TYK2: variants seen among roughly 807,000 people sequenced by gnomAD.
TYK2 encodes the protein non-receptor tyrosine-protein kinase TYK2.
Under a neutral mutation model 130.9 loss-of-function variants are expected in TYK2, and 65 were observed. The ratio of observed to expected loss-of-function variants is 0.50; its 90% CI spans 0.41 to 0.61. The LOEUF is 0.61. Among genes scored for constraint, TYK2 ranks in the 20% least tolerant of loss-of-function variants. The pLI is 0.00. For synonymous variants in TYK2, 647 were observed against 658.9 expected (o/e 0.98, Z 0.28); for missense variants, 1,378 against 1,610.7 (o/e 0.86, Z 2.47).
At chr19:10,365,141 G>T in intron 7 of TYK2, 93 bp from the exon 8 acceptor site, 2 of 1,396,846 alleles carry the variant, frequency 1.4e-6, no homozygotes, top group Non-Finnish European at 1.9e-6. Context: ...GAGCCAGAAG[G>T]GCCAGGCACC....
At chr19:10,365,961 C>A in intron 6 of TYK2, 63 bp from the exon 7 acceptor site, 1 of 1,514,296 alleles carries the variant, frequency 6.6e-7, no homozygotes, top group Admixed American at 2.1e-5. Context: ...CTGGGTGACA[C>A]AGGGCAAGTG....
At chr19:10,354,673 G>C (rs1231157648) in intron 18 of TYK2, 64 bp from the exon 19 acceptor site, 1 of 1,398,028 alleles carries the variant, frequency 7.2e-7, no homozygotes, top group African/African-American at 1.4e-5. Context: ...CCACACTTGG[G>C]AGTCACAAAG....
intron 3 of TYK2, 141 bp from the exon 4 acceptor site, chr19:10,368,559 G>A (rs1347755570): frequency 9.5e-6 from 12 of 1,269,622 alleles, no homozygotes; most frequent in South Asian, 2.7e-5. Context: ...CGTTGCCCCT[G>A]GGCAGAGGAC....
rs934439485 is a variant in TYK2, at chr19:10,364,672, C to T, written c.1309G>A (p.Glu437Lys). ...ATCACCAGCCGTGGGGGAGCCACCTCGTGGCACAGGTAGTGGCTGGAGTCG... is the reference window on the plus strand; with the variant it reads ...ATCACCAGCCGTGGGGGAGCCACCTTGTGGCACAGGTAGTGGCTGGAGTCG... ...TADSSHYLCH[E>K]VAPPRLVMSI... is the part of the protein sequence containing the mutation. Residue 437 changes from glutamate (E) to lysine (K), a missense_variant, in exon 9 of 25, where the codon GAG becomes AAG. Physicochemically the swap from Glu to Lys is moderately conservative, Grantham distance 56. Coordinates refer to ENST00000525621, the MANE Select transcript of TYK2 (RefSeq NM_003331.5). This position sits in a 1 kb window ranked among gnomAD's most constrained non-coding sequence, Gnocchi z 4.9. 17 of 1,613,790 alleles carry T rather than the reference C, an allele frequency of 1.1e-5. No homozygotes were observed. The highest frequency in any genetic ancestry group is 1.2e-5 in the Non-Finnish European group (14 of 1,179,994).
At position 10,365,805 on chromosome 19, in the gene TYK2, G is replaced by A. The variant is rs761425610; in HGVS notation, c.723C>T (p.Phe241=). 9.3e-6 allele frequency: 15 copies of A among 1,612,386 alleles called. No individual in the cohort carries two copies. The highest frequency in any genetic ancestry group is 1.3e-5 in the Non-Finnish European group (15 of 1,179,774). Residue 241 remains phenylalanine, a synonymous_variant, in exon 7 of 25, where the codon TTC becomes TTT. Transcript: ENST00000525621. ...RLRLRNVFRR[F]LRDFQPGRLS... Reference sequence around the variant, plus strand: ...GTCGGCCCGGCTGGAAGTCCCGCAGGAACCTGCGGAAGACGTTCCGAAGGC... The same window carrying A: ...GTCGGCCCGGCTGGAAGTCCCGCAGAAACCTGCGGAAGACGTTCCGAAGGC...
At chr19:10,372,483 T>TAC (rs2041957217) in intron 3 of TYK2, among the ~76,000 whole-genome samples, 2 of 63,928 alleles carry the variant, frequency 3.1e-5, no homozygotes, top group African/African-American at 1.8e-4. Context: ...TATATATATA[T>TAC]ATTTTTTTTT....
rs1212274692 is a variant in TYK2, at chr19:10,351,033, A to G, written c.3429+19T>C. On this transcript the variant is annotated intron_variant, in intron 24 of 24. Coordinates refer to ENST00000525621, the MANE Select transcript of TYK2 (RefSeq NM_003331.5). ...CACAGCAGGATAGTGGGGTCAGGGA[A>G]AGACAAAGGAAGTCTCACCTCACAG... is the stretch of plus-strand genomic sequence containing the variant. 1 of 1,614,034 alleles carries G rather than the reference A, an allele frequency of 6.2e-7. No individual in the cohort carries two copies. The highest frequency in any genetic ancestry group is 8.5e-7 in the Non-Finnish European group (1 of 1,180,040).
chr19:10,379,006 C>T (rs1439583952), intron 2 of TYK2, among the ~76,000 whole-genome samples: 2 of 152,054 alleles, frequency 1.3e-5, no homozygotes, highest in Non-Finnish European at 2.9e-5. Context: ...TAGCTGGCGC[C>T]TGCCACCACA....
intron 14 of TYK2, 59 bp from the exon 15 acceptor site, chr19:10,359,361 G>T (rs1392790634): frequency 6.3e-6 from 10 of 1,589,348 alleles, no homozygotes; most frequent in African/African-American, 2.7e-5. Flanking sequence ...GGATGGCGGG[G>T]AATTGGGGGA....
Position 10,358,294 on chromosome 19 carries a change from G to GTTTTTT in TYK2, c.2176-162_2176-157dup, listed in dbSNP as rs770531180. Among the ~76,000 whole-genome samples the GTTTTTT allele has an allele frequency of 5.9e-4, 54 of 91,392 alleles. 1 individual carries two copies. The highest frequency in any genetic ancestry group is 2.4e-3 in the African/African-American group (54 of 22,858). The allele number at this position is 91,392 out of a possible 152,430, so 60.0% of individuals were successfully genotyped here. On this transcript the variant is annotated intron_variant, in intron 15 of 24. Transcript: ENST00000525621. The stretch of plus-strand genomic sequence containing the variant: ...TTTTTTGGGGGGTTATTTTTTTCTT[G>GTTTTTT]TTTTTTTTTTTTTTTTTTTTTTTTA...
chr19:10,359,356 G>A, intron 14 of TYK2, 54 bp from the exon 15 acceptor site: 1 of 1,595,530 alleles, frequency 6.3e-7, no homozygotes, highest in South Asian at 1.1e-5. Flanking sequence ...CCTCTGGATG[G>A]CGGGGAATTG....
chr19:10,374,002 C>T (rs756767961), intron 3 of TYK2, among the ~76,000 whole-genome samples: 1 of 152,158 alleles, frequency 6.6e-6, no homozygotes, highest in Non-Finnish European at 1.5e-5. Context: ...CACAGTGGCT[C>T]ACACCTGTAA....
At position 10,353,026 on chromosome 19, in the gene TYK2, CGTT is replaced by C. The variant is rs1274496585; in HGVS notation, c.3097_3099del (p.Asn1033del). ...AAGTCCCCGATCTTGACCAGCCTGT[CGTT>C]GTCCAGCAGCACGTTGCGCGCGGCT... On this transcript the variant is annotated inframe_deletion, in exon 22 of 25. Transcript: ENST00000525621. The surrounding 1 kb of genome is among the most constrained non-coding windows in gnomAD (Gnocchi z 6.9). 2 of 1,602,134 alleles carry C rather than the reference CGTT, an allele frequency of 1.2e-6. No homozygotes were observed. The highest frequency in any genetic ancestry group is 1.7e-6 in the Non-Finnish European group (2 of 1,173,790).
chr19:10,377,396 G>GTGGGTGGATGGA (rs1465518063), intron 3 of TYK2, among the ~76,000 whole-genome samples: 14 of 112,156 alleles, frequency 1.2e-4, no homozygotes, highest in African/African-American at 2.0e-4. Flanking sequence ...AGGTGGGTGG[G>GTGGGTGGATGGA]TGGGTGGATG....
At position 10,364,886 on chromosome 19, in the gene TYK2, A is replaced by G; in HGVS notation, c.1174T>C (p.Cys392Arg). The change falls in exon 8 of 25, where the codon TGT becomes CGT. Residue 392 changes from cysteine (C) to arginine (R), a missense_variant. Physicochemically the swap from Cys to Arg is radical, Grantham distance 180. Coordinates refer to ENST00000525621, the MANE Select transcript of TYK2 (RefSeq NM_003331.5). This position sits in a 1 kb window ranked among gnomAD's most constrained non-coding sequence, Gnocchi z 4.9. Reference protein sequence around the residue: ...DITHVVLKEHCVSIHRQDNKC... With the variant: ...DITHVVLKEHRVSIHRQDNKC... ...TTGTCCTGCCGGTGGATGCTGACAC[A>G]GTGCTCTTTCAGCACCACGTGGGTG... The G allele has an allele frequency of 6.2e-7, 1 of 1,614,198 alleles. No homozygotes were observed.
intron 2 of TYK2, among the ~76,000 whole-genome samples, chr19:10,379,012 C>T (rs2042275414): frequency 1.3e-5 from 2 of 152,120 alleles, no homozygotes; most frequent in African/African-American, 4.8e-5. Flanking sequence ...GCGCCTGCCA[C>T]CACACCGGGC....
At chr19:10,355,203 G>T (rs1465163498) in intron 18 of TYK2, among the ~76,000 whole-genome samples, 1 of 151,862 alleles carries the variant, frequency 6.6e-6, no homozygotes, top group African/African-American at 2.4e-5. Flanking sequence ...GAGGCAGGAG[G>T]ATCCCTAGAG....
chr19:10,378,364 C>G lies in TYK2; in HGVS notation c.43G>C (p.Val15Leu). ...GCCATGGGCTGGGCTCCATCCCCAA[C>G]GGGCTTACTGCCCCTGGCCATCCCC... ...HWGMARGSKP[V>L]GDGAQPMAAM... Residue 15 changes from valine to leucine, a missense_variant, in exon 3 of 25, where the codon GTT becomes CTT. Transcript: ENST00000525621. 1 of 1,612,280 alleles carries G rather than the reference C, an allele frequency of 6.2e-7. No individual in the cohort carries two copies. Among genetic ancestry groups the G allele is most frequent in the South Asian group, 1.1e-5 (1 of 91,082 alleles).
Position 10,362,342 on chromosome 19 carries a change from C to G in TYK2, c.1591G>C (p.Ala531Pro). The change falls in exon 11 of 25, where the codon GCT becomes CCT. Residue 531 changes from alanine to proline, a missense_variant. Ala to Pro is a conservative substitution (Grantham distance 27). Transcript: ENST00000525621. Reference sequence around the variant, plus strand: ...CTCAGCAAGCAGCCCTGCAAGGCAGCCCCAAGTTCCCGAACGCTGGGGAAG... The same window carrying G: ...CTCAGCAAGCAGCCCTGCAAGGCAGGCCCAAGTTCCCGAACGCTGGGGAAG... ...RSFPSVRELG[A>P]ALQGCLLRAG... is the part of the protein sequence containing the mutation. 6.2e-7 allele frequency: 1 copy of G among 1,614,154 alleles called. No individual in the cohort carries two copies. Among genetic ancestry groups the G allele is most frequent in the Non-Finnish European group, 8.5e-7 (1 of 1,180,010 alleles).
Sources: allele counts gnomAD v4.1 joint callset (sites outside exome capture counted in the v4.1 genomes callset), GRCh38; gene constraint gnomAD v4.1.1; non-coding constraint Gnocchi (gnomAD v3.1); transcripts MANE v1.5; gene names NCBI Gene and HGNC (gene_info 2026-07-23, HGNC 2026-07-21).